The following VPS13A variants were observed in gnomAD, a reference collection of about 807,000 sequenced individuals.
VPS13A encodes vacuolar protein sorting 13 homolog A, also known as intermembrane lipid transfer protein VPS13A.
Under a neutral mutation model 390.9 loss-of-function variants are expected in VPS13A, and 264 were observed. The observed-to-expected ratio is 0.68, with a 90% confidence interval of 0.61 to 0.75. The LOEUF is 0.75. Ranked by LOEUF, VPS13A falls within the 30% of genes least tolerant of loss-of-function variation. The pLI is 0.00. For synonymous variants in VPS13A, 1,231 were observed against 1,227.1 expected (o/e 1.00, Z -0.07); for missense variants, 3,409 against 3,733.9 (o/e 0.91, Z 2.27).
intron 23 of VPS13A, among the ~76,000 whole-genome samples, chr9:77,272,982 C>G (rs1826434923): frequency 6.6e-6 from 1 of 152,114 alleles, no homozygotes; most frequent in Non-Finnish European, 1.5e-5. Flanking sequence ...TCACAGATGT[C>G]CTGATTTAAT....
At chr9:77,215,069 G>A (rs1009235925) in intron 10 of VPS13A, among the ~76,000 whole-genome samples, 3 of 152,322 alleles carry the variant, frequency 2.0e-5, no homozygotes, top group East Asian at 1.9e-4. Flanking sequence ...GAACCTGGGA[G>A]GTAGAGGTTG....
intron 20 of VPS13A, among the ~76,000 whole-genome samples, chr9:77,248,406 G>A (rs1824953577): frequency 6.6e-6 from 1 of 151,756 alleles, no homozygotes; most frequent in Non-Finnish European, 1.5e-5. Context: ...TTTTAGTAGA[G>A]ACTGGGTTTC....
chr9:77,180,234 A>G (rs1589957980), intron 1 of VPS13A, among the ~76,000 whole-genome samples: 1 of 152,352 alleles, frequency 6.6e-6, no homozygotes, highest in South Asian at 2.1e-4. Context: ...ATATATACCT[A>G]GAAGTGGAAT....
chr9:77,416,264 CTAATTA>C lies in VPS13A; in HGVS notation c.*260_*265del, dbSNP rs1835167398. ...TTGAATCATGCATCTATTTATAATT[CTAATTA>C]TTTTGTAAAAGAAGACAAAATTATG... On this transcript the variant is annotated 3_prime_UTR_variant, in exon 72 of 72. Coordinates refer to ENST00000360280, the MANE Select transcript of VPS13A (RefSeq NM_033305.3). 1 of 387,030 alleles carries C rather than the reference CTAATTA, an allele frequency of 2.6e-6. No individual in the cohort carries two copies. Among genetic ancestry groups the C allele is most frequent in the Admixed American group, 4.3e-5 (1 of 23,434 alleles). The allele number at this position is 387,030 out of a possible 1,614,324, so 24.0% of individuals were successfully genotyped here.
chr9:77,298,775 A>C (rs983976098), intron 33 of VPS13A, among the ~76,000 whole-genome samples: 1 of 152,130 alleles, frequency 6.6e-6, no homozygotes, highest in Non-Finnish European at 1.5e-5. Context: ...GTGGGAGATA[A>C]TTGAATCATG....
chr9:77,335,149 G>A (rs1830473275), intron 46 of VPS13A, among the ~76,000 whole-genome samples: 1 of 152,172 alleles, frequency 6.6e-6, no homozygotes, highest in Non-Finnish European at 1.5e-5. Context: ...CATAACTATA[G>A]CTAATTAGTT....
At position 77,382,078 on chromosome 9, in the gene VPS13A, A is replaced by AAT; in HGVS notation, c.9181_9182dup (p.Met3061IlefsTer21). 6.2e-7 allele frequency: 1 copy of AAT among 1,605,874 alleles called. No homozygotes were observed. Among genetic ancestry groups the AAT allele is most frequent in the Non-Finnish European group, 8.5e-7 (1 of 1,175,382 alleles). The stretch of plus-strand genomic sequence containing the variant: ...GGTTGAGGGATGGGACTGGAAATCA[A>AAT]ATGTTACAGGTAAATTAAGAGCTAT... On this transcript the variant is annotated frameshift_variant, in exon 68 of 72. Transcript: ENST00000360280. LOFTEE classifies it high-confidence loss of function.
At position 77,283,443 on chromosome 9, in the gene VPS13A, A is replaced by G. The variant is rs747319218; in HGVS notation, c.3207A>G (p.Lys1069=). Residue 1069 remains lysine (K), a synonymous_variant, in exon 30 of 72, where the codon AAA becomes AAG. Transcript: ENST00000360280. ...TACAGATCTTTATTCAAGATCAGAA[A>G]TGTAACATTTCTGAAATTAAGATTG... The part of the protein sequence containing the change: ...SCLQIFIQDQ[K]CNISEIKIEG... The G allele has an allele frequency of 3.1e-6, 5 of 1,606,640 alleles. No homozygotes were observed. Among genetic ancestry groups the G allele is most frequent in the Admixed American group, 3.3e-5 (2 of 59,940 alleles).
In VPS13A at chr9:77,400,223, A is replaced by ATTTTTTTT. The variant is rs34605855; in HGVS notation, c.9190-2998_9190-2991dup. ...ATATTTTCTCATGTTTATCAGTCAG[A>ATTTTTTTT]TTTTTTTTTTTTTTTTTTTTTTGCT... is the stretch of plus-strand genomic sequence containing the variant. On this transcript the variant is annotated intron_variant, in intron 68 of 71. Transcript: ENST00000360280. Among the ~76,000 whole-genome samples the ATTTTTTTT allele has an allele frequency of 1.3e-3, 118 of 88,110 alleles. 2 individuals are homozygous for ATTTTTTTT. The highest frequency in any genetic ancestry group is 4.1e-3 in the African/African-American group (81 of 19,604). The allele number at this position is 88,110 out of a possible 152,430, so 57.8% of individuals were successfully genotyped here. A position where few individuals can be genotyped will look rare whatever the true frequency, so the allele number is the denominator to read the frequency against.
At chr9:77,187,705 T>C (rs1824426762) in intron 1 of VPS13A, among the ~76,000 whole-genome samples, 1 of 152,288 alleles carries the variant, frequency 6.6e-6, no homozygotes, top group African/African-American at 2.4e-5. Flanking sequence ...TTCTTCCTTT[T>C]TTTCCCTGCT....
rs2131448580 is a variant in VPS13A at position 77,321,312 on chromosome 9, A to G, written c.5559A>G (p.Leu1853=). The stretch of plus-strand genomic sequence containing the variant: ...TATCCAAATGTGGTCTTGTAATGTT[A>G]AACAATTTAGTCAAGGTAAGAAAAG... The part of the protein sequence containing the change: ...ITLSKCGLVM[L]NNLVKAFTEA... Residue 1853 remains leucine (L), a synonymous_variant, in exon 43 of 72, where the codon TTA becomes TTG. Transcript: ENST00000360280. 6.2e-7 allele frequency: 1 copy of G among 1,607,266 alleles called. No homozygotes were observed. The highest frequency in any genetic ancestry group is 2.2e-5 in the East Asian group (1 of 44,680).
intron 25 of VPS13A, 107 bp downstream of exon 25, chr9:77,275,759 T>C (rs1826626818): frequency 4.6e-6 from 6 of 1,310,026 alleles, no homozygotes; most frequent in African/African-American, 2.9e-5. Flanking sequence ...TTCACCCTAA[T>C]TAAAGTAATT....
intron 46 of VPS13A, among the ~76,000 whole-genome samples, chr9:77,333,083 G>C (rs1174843405): frequency 6.6e-6 from 1 of 152,176 alleles, no homozygotes; most frequent in African/African-American, 2.4e-5. Flanking sequence ...CCTTGCTCTA[G>C]AGAGGATTTG....
At chr9:77,332,153 T>C in intron 46 of VPS13A, 40 bp downstream of exon 46, 1 of 1,503,848 alleles carries the variant, frequency 6.6e-7, no homozygotes, top group Non-Finnish European at 9.3e-7. Context: ...TAAAATCTCT[T>C]GTAGAATTTT....
chr9:77,415,910 C>A (rs1339876663), intron 71 of VPS13A, 46 bp from the exon 72 acceptor site: 1 of 1,606,826 alleles, frequency 6.2e-7, no homozygotes, highest in Admixed American at 1.7e-5. Context: ...TGTTTCATTA[C>A]AAGTTCACTG....
chr9:77,251,951 T>G (rs1223604223), intron 21 of VPS13A, among the ~76,000 whole-genome samples: 1 of 152,202 alleles, frequency 6.6e-6, no homozygotes, highest in Non-Finnish European at 1.5e-5. Context: ...TAGCTTTTAT[T>G]AGTTACTGTT....
chr9:77,342,521 C>T (rs1830891032), intron 50 of VPS13A, among the ~76,000 whole-genome samples: 1 of 151,936 alleles, frequency 6.6e-6, no homozygotes, highest in South Asian at 2.1e-4. Context: ...AGATTGTCAA[C>T]ATGGGTGGTT....
chr9:77,409,905 G>T (rs1428511720), intron 71 of VPS13A, among the ~76,000 whole-genome samples: 1 of 151,374 alleles, frequency 6.6e-6, no homozygotes, highest in Non-Finnish European at 1.5e-5. Context: ...CCCCAATCTA[G>T]CAAGGCAGGC....
chr9:77,389,939 C>A (rs183296493), intron 68 of VPS13A: 36 of 300,216 alleles, frequency 1.2e-4, no homozygotes, highest in Admixed American at 3.9e-4. Context: ...TTGTATATTT[C>A]TTTTCTTTCA....
Sources: gnomAD v4.1 joint callset for allele counts (sites outside exome capture counted in the v4.1 genomes callset) on GRCh38, gnomAD v4.1.1 for gene constraint, MANE v1.5 for transcripts, NCBI Gene and HGNC (gene_info 2026-07-23, HGNC 2026-07-21) for gene names.